Variants in MAP1B observed in about 807,000 individuals in gnomAD.
The protein encoded by MAP1B is microtubule-associated protein 1B.
Under a neutral mutation model 176.1 loss-of-function variants are expected in MAP1B, and 12 were observed. The ratio of observed to expected loss-of-function variants is 0.07; its 90% CI spans 0.04 to 0.11. The LOEUF is 0.11. Ranked by LOEUF, MAP1B falls within the 10% of genes least tolerant of loss-of-function variation. MAP1B has a pLI of 1.00. For synonymous variants in MAP1B, 1,044 were observed against 1,135.0 expected, an observed-to-expected ratio of 0.92 and a Z score of 1.61; for missense variants, 2,523 against 2,990.5, an observed-to-expected ratio of 0.84 and a Z score of 3.65.
intron 1 of MAP1B, among the ~76,000 whole-genome samples, chr5:72,112,931 A>G (rs1745370300): frequency 6.6e-6 from 1 of 152,224 alleles, no homozygotes; most frequent in Admixed American, 6.5e-5. Context: ...AAGCCTCTTT[A>G]GAACCTCTTC....
At chr5:72,171,539 A>T (rs1746542574) in intron 2 of MAP1B, among the ~76,000 whole-genome samples, 1 of 151,932 alleles carries the variant, frequency 6.6e-6, no homozygotes, top group African/African-American at 2.4e-5. Context: ...GCAGGGGGCC[A>T]TGTTCATGCC....
intron 2 of MAP1B, among the ~76,000 whole-genome samples, chr5:72,168,756 G>A (rs901881666): frequency 6.6e-6 from 1 of 152,202 alleles, no homozygotes. Context: ...CTTGCTCTTT[G>A]TCATGGGTTT....
intron 2 of MAP1B, among the ~76,000 whole-genome samples, chr5:72,166,611 C>T (rs984192040): frequency 1.3e-5 from 2 of 152,150 alleles, no homozygotes; most frequent in Admixed American, 1.3e-4. Context: ...TTGTCTGCAG[C>T]CAGCAAGACC....
intron 2 of MAP1B, among the ~76,000 whole-genome samples, chr5:72,182,023 CTTTTTTTTTT>C (rs34251206): frequency 3.9e-4 from 37 of 94,762 alleles, no homozygotes; most frequent in African/African-American, 1.6e-3. Flanking sequence ...CGCACCTGGC[CTTTTTTTTTT>C]TTTTTTTTTT....
intron 2 of MAP1B, among the ~76,000 whole-genome samples, chr5:72,176,271 G>T (rs1182356840): frequency 6.6e-6 from 1 of 152,178 alleles, no homozygotes; most frequent in Non-Finnish European, 1.5e-5. Context: ...AGCCAACCCT[G>T]GCTGCACACT....
intron 1 of MAP1B, among the ~76,000 whole-genome samples, chr5:72,113,226 A>T (rs937557218): frequency 6.6e-6 from 1 of 152,164 alleles, no homozygotes; most frequent in African/African-American, 2.4e-5. Flanking sequence ...TTCCTTTCCA[A>T]CTAAAATAGC....
intron 3 of MAP1B, among the ~76,000 whole-genome samples, chr5:72,185,039 A>T (rs190602268): frequency 2.0e-5 from 3 of 152,188 alleles, no homozygotes; most frequent in Non-Finnish European, 4.4e-5. Flanking sequence ...TGGACATTTC[A>T]TATAAATATA....
chr5:72,112,037 T>G (rs549055563), intron 1 of MAP1B, among the ~76,000 whole-genome samples: 1 of 152,310 alleles, frequency 6.6e-6, no homozygotes, highest in South Asian at 2.1e-4. Context: ...CATTCCTAAA[T>G]GTAGCATTTC....
At chr5:72,166,657 T>TC (rs139680684) in intron 2 of MAP1B, among the ~76,000 whole-genome samples, 1 of 152,326 alleles carries the variant, frequency 6.6e-6, no homozygotes, top group African/African-American at 2.4e-5. Flanking sequence ...GAGCTAATCC[T>TC]CCCTGTAGAA....
intron 2 of MAP1B, among the ~76,000 whole-genome samples, chr5:72,124,608 G>C (rs1745589629): frequency 6.6e-6 from 1 of 152,188 alleles, no homozygotes. Context: ...CATTCCTGAG[G>C]GGTTAAGACG....
Position 72,194,108 on chromosome 5 carries a change from G to T in MAP1B, c.753G>T (p.Ser251=). Residue 251 remains serine (S), a synonymous_variant, in exon 5 of 7, where the codon TCG becomes TCT. Coordinates refer to ENST00000296755, the MANE Select transcript of MAP1B (RefSeq NM_005909.5). The surrounding 1 kb of genome is among the most constrained non-coding windows in gnomAD (Gnocchi z 7.2). ...TTGACATCTTGGAACCTCCCACATC[G>T]GGTGGATTTCTGAAGCTCTCCAAGC... ...SPFDILEPPT[S]GGFLKLSKPC... 6.2e-7 allele frequency: 1 copy of T among 1,614,162 alleles called. No homozygotes were observed. The highest frequency in any genetic ancestry group is 8.5e-7 in the Non-Finnish European group (1 of 1,180,038).
rs534864679 is a variant in MAP1B at position 72,108,812 on chromosome 5, TG to T, written c.184+1100del. ...CTGGCTTTGTTGCCCTGGGAGTCCC[TG>T]GGTGGGCAGCTCTGGTCTCTGCCTT... On this transcript the variant is annotated intron_variant, in intron 1 of 6. Transcript: ENST00000296755. Among the ~76,000 whole-genome samples, 74 of 152,272 alleles carry T rather than the reference TG, an allele frequency of 4.9e-4. 1 individual carries two copies. The highest frequency in any genetic ancestry group is 1.7e-3 in the African/African-American group (70 of 41,572).
At chr5:72,180,129 G>A (rs1746735986) in intron 2 of MAP1B, among the ~76,000 whole-genome samples, 1 of 152,178 alleles carries the variant, frequency 6.6e-6, no homozygotes, top group Non-Finnish European at 1.5e-5. Context: ...AGCGGGCTCA[G>A]GGCGTTGTGT....
rs888403436 is a variant in MAP1B, at chr5:72,108,592, G to A, written c.184+877G>A. ...CCGGGGACCCTGGGCGGGGCCGTGA[G>A]GGTCCGGCGGGCACAGCCTCGGGCG... On this transcript the variant is annotated intron_variant, in intron 1 of 6. Transcript: ENST00000296755. Among the ~76,000 whole-genome samples the A allele has an allele frequency of 2.6e-5, 4 of 152,324 alleles. No homozygotes were observed. The East Asian group carries it at 5.8e-4, about 22-fold the overall frequency.
chr5:72,110,038 T>A (rs1261917511), intron 1 of MAP1B, among the ~76,000 whole-genome samples: 2 of 152,232 alleles, frequency 1.3e-5, no homozygotes, highest in Non-Finnish European at 2.9e-5. Context: ...TAGCACTTAG[T>A]GACAAAATTC....
chr5:72,168,745 A>G (rs1414913904), intron 2 of MAP1B, among the ~76,000 whole-genome samples: 1 of 152,206 alleles, frequency 6.6e-6, no homozygotes, highest in African/African-American at 2.4e-5. Context: ...ACCTTGTTTG[A>G]CTTGCTCTTT....
At position 72,112,461 on chromosome 5, in the gene MAP1B, T is replaced by C. The variant is rs187136106; in HGVS notation, c.185-3237T>C. On this transcript the variant is annotated intron_variant, in intron 1 of 6. Transcript: ENST00000296755. The stretch of plus-strand genomic sequence containing the variant: ...CCAAGAGTACCTGACTTCTCCTCAT[T>C]TTTCACCCTGACTTGTTCTTTAATG... Among the ~76,000 whole-genome samples the C allele has an allele frequency of 5.9e-5, 9 of 152,250 alleles. No homozygotes were observed. The East Asian group carries it at 9.6e-4, about 16-fold the overall frequency.
intron 1 of MAP1B, among the ~76,000 whole-genome samples, chr5:72,113,007 A>G (rs1447750469): frequency 1.3e-5 from 2 of 152,166 alleles, no homozygotes; most frequent in East Asian, 1.9e-4. Flanking sequence ...GGCCAAAGAG[A>G]TATTTTTCTG....
intron 1 of MAP1B, among the ~76,000 whole-genome samples, chr5:72,112,795 G>T (rs1247375607): frequency 6.6e-6 from 1 of 152,218 alleles, no homozygotes; most frequent in Admixed American, 6.5e-5. Context: ...GCCCAGAAGG[G>T]GTACAGTCTT....
Sources: gnomAD v4.1 joint callset for allele counts (sites outside exome capture counted in the v4.1 genomes callset) on GRCh38, gnomAD v4.1.1 for gene constraint, Gnocchi (gnomAD v3.1) non-coding constraint, MANE v1.5 for transcripts, NCBI Gene and HGNC (gene_info 2026-07-23, HGNC 2026-07-21) for gene names.